The following TLR2 variants were observed in gnomAD, a reference collection of about 807,000 sequenced individuals.
TLR2 encodes toll-like receptor 2.
In TLR2, 7 loss-of-function variants were observed where a neutral mutation model predicts 9.1. The observed-to-expected ratio is 0.77, with a 90% CI of 0.44 to 1.44. The LOEUF is 1.44. Among genes scored for constraint, TLR2 ranks in the 40% most tolerant of loss-of-function variants. The pLI, the probability that TLR2 is intolerant of heterozygous loss-of-function variation, is 0.01. For missense variants in TLR2, 812 were observed against 904.6 expected (o/e 0.90, Z 1.31); for synonymous variants, 317 against 344.6 (o/e 0.92, Z 0.89).
intron 2 of TLR2, among the ~76,000 whole-genome samples, chr4:153,698,473 G>A (rs1736658940): frequency 2.0e-5 from 3 of 152,098 alleles, no homozygotes; most frequent in Admixed American, 1.3e-4. Context: ...GTTAAATGTG[G>A]CCTCATGGAT....
intron 2 of TLR2, chr4:153,701,789 T>C (rs1390408804): frequency 6.7e-6 from 1 of 148,190 alleles, no homozygotes; most frequent in Non-Finnish European, 1.5e-5. Context: ...AAAGAGGGAA[T>C]GCGAAGCAGT....
chr4:153,708,867 C>T (rs1579015862), downstream of TLR2, among the ~76,000 whole-genome samples: 1 of 152,314 alleles, frequency 6.6e-6, no homozygotes, highest in African/African-American at 2.4e-5. Flanking sequence ...CTAGAGACAT[C>T]TCACAGCTGT....
intron 2 of TLR2, among the ~76,000 whole-genome samples, chr4:153,696,871 A>G (rs1291564547): frequency 6.6e-6 from 1 of 152,176 alleles, no homozygotes; most frequent in Non-Finnish European, 1.5e-5. Flanking sequence ...TACAAAAAAA[A>G]AAAGGAATTC....
At chr4:153,702,808 T>C (rs1292906856) in intron 2 of TLR2, 84 bp from the exon 3 acceptor site, 8 of 727,846 alleles carry the variant, frequency 1.1e-5, no homozygotes, top group Non-Finnish European at 1.7e-5. Context: ...GTGTGTGTGT[T>C]ATGCCTAGAA....
downstream of TLR2, chr4:153,710,177 A>C (rs1408495760): frequency 2.1e-6 from 1 of 482,504 alleles, no homozygotes; most frequent in African/African-American, 1.9e-5. Flanking sequence ...AAAGATGAAA[A>C]AACATGCTTT....
rs768284622 is a variant in TLR2 at position 153,703,161 on chromosome 4, C to T, written c.254C>T (p.Ser85Phe). The T allele has an allele frequency of 1.2e-6, 2 of 1,614,048 alleles. No homozygotes were observed. The highest frequency in any genetic ancestry group is 2.7e-5 in the African/African-American group (2 of 74,910). ...CVNLQALVLT[S>F]NGINTIEEDS... ...AACCTCCAGGCTCTGGTGCTGACAT[C>T]CAATGGAATTAACACAATAGAGGAA... Residue 85 changes from serine to phenylalanine, a missense_variant, in exon 3 of 3, where the codon TCC (serine) becomes TTC (phenylalanine). Coordinates refer to ENST00000642700, the MANE Select transcript of TLR2 (RefSeq NM_001318789.2).
At chr4:153,690,602 A>G (rs920563973) in intron 2 of TLR2, among the ~76,000 whole-genome samples, 2 of 152,260 alleles carry the variant, frequency 1.3e-5, no homozygotes, top group Admixed American at 6.5e-5. Context: ...GGAACGTGTG[A>G]CATCCATTTG....
rs543051249 is a variant in TLR2, at chr4:153,704,701, G to C, written c.1794G>C (p.Leu598=). 3 of 1,613,818 alleles carry C rather than the reference G, an allele frequency of 1.9e-6. No individual in the cohort carries two copies. The highest frequency in any genetic ancestry group is 1.7e-5 in the Admixed American group (1 of 60,000). The change falls in exon 3 of 3, where the codon CTG becomes CTC. Residue 598 remains leucine (L), a synonymous_variant. Transcript: ENST00000642700. ...TGGTGTCTGGCATGTGCTGTGCTCT[G>C]TTCCTGCTGATCCTGCTCACGGGGG... ...TALVSGMCCA[L]FLLILLTGVL...
At chr4:153,698,470 G>C (rs1237509480) in intron 2 of TLR2, among the ~76,000 whole-genome samples, 1 of 152,130 alleles carries the variant, frequency 6.6e-6, no homozygotes, top group Non-Finnish European at 1.5e-5. Context: ...AGTGTTAAAT[G>C]TGGCCTCATG....
intron 2 of TLR2, among the ~76,000 whole-genome samples, chr4:153,699,175 G>C (rs1031689797): frequency 6.6e-6 from 1 of 152,106 alleles, no homozygotes; most frequent in Non-Finnish European, 1.5e-5. Flanking sequence ...GTGTCCCACA[G>C]GGAACTGTCT....
At chr4:153,692,102 C>T (rs577234039) in intron 2 of TLR2, among the ~76,000 whole-genome samples, 2 of 152,258 alleles carry the variant, frequency 1.3e-5, no homozygotes, top group South Asian at 4.1e-4. Context: ...AATACAAATG[C>T]TTTAGTATGC....
intron 1 of TLR2, among the ~76,000 whole-genome samples, chr4:153,686,784 C>T (rs1282940820): frequency 6.6e-6 from 1 of 152,068 alleles, no homozygotes; most frequent in African/African-American, 2.4e-5. Context: ...GAGATTTTAT[C>T]ATACATCTCT....
intron 2 of TLR2, among the ~76,000 whole-genome samples, chr4:153,693,399 T>C (rs1290125597): frequency 6.6e-6 from 1 of 152,222 alleles, no homozygotes; most frequent in Non-Finnish European, 1.5e-5. Context: ...CCTGTTGATC[T>C]ACGGGGTATA....
Position 153,702,762 on chromosome 4 carries a change from T to TTGTGTGTGTG in TLR2, c.-16-94_-16-85dup, listed in dbSNP as rs141605367. The TTGTGTGTGTG allele has an allele frequency of 4.9e-3, 2,052 of 416,864 alleles. 12 individuals carry two copies. The highest frequency in any genetic ancestry group is 6.4e-3 in the Middle Eastern group (10 of 1,554). 25.8% of individuals were successfully genotyped at this position (416,864 alleles called of 1,614,324 possible). A position where few individuals can be genotyped will look rare whatever the true frequency, so the allele number is the denominator to read the frequency against. On this transcript the variant is annotated intron_variant, in intron 2 of 2. Coordinates refer to ENST00000642700, the MANE Select transcript of TLR2 (RefSeq NM_001318789.2). ...CATCTGTTTCTCTCTCTCTCTCTCT[T>TTGTGTGTGTG]TGTGTGTGTGTGTGTGTGTGTGTGT...
In TLR2 at chr4:153,705,109, C is replaced by T; in HGVS notation, c.2202C>T (p.Leu734=). 2 of 1,614,164 alleles carry T rather than the reference C, an allele frequency of 1.2e-6. No individual in the cohort carries two copies. The highest frequency in any genetic ancestry group is 1.7e-6 in the Non-Finnish European group (2 of 1,180,034). Reference sequence around the variant, plus strand: ...ATGAGAACAATGATGCTGCCATTCTCATTCTTCTGGAGCCCATTGAGAAAA... The same window carrying T: ...ATGAGAACAATGATGCTGCCATTCTTATTCTTCTGGAGCCCATTGAGAAAA... ...LFDENNDAAI[L]ILLEPIEKKA... is the part of the protein sequence containing the mutation. Residue 734 remains leucine, a synonymous_variant, in exon 3 of 3, where the codon CTC becomes CTT. Coordinates refer to ENST00000642700, the MANE Select transcript of TLR2 (RefSeq NM_001318789.2).
At chr4:153,697,542 T>G (rs190918820) in intron 2 of TLR2, among the ~76,000 whole-genome samples, 2 of 152,316 alleles carry the variant, frequency 1.3e-5, no homozygotes, top group South Asian at 2.1e-4. Context: ...CATAGGGACC[T>G]GTGATCCTAT....
chr4:153,703,880 T>C lies in TLR2; in HGVS notation c.973T>C (p.Phe325Leu), dbSNP rs902111790. Reference protein sequence around the residue: ...RRLHIPRFYLFYDLSTLYSLT... With the variant: ...RRLHIPRFYLLYDLSTLYSLT... ...GCTGCATATTCCAAGGTTTTACTTA[T>C]TTTATGATCTGAGCACTTTATATTC... The change falls in exon 3 of 3, where the codon TTT (phenylalanine) becomes CTT (leucine). Residue 325 changes from phenylalanine (F) to leucine (L), a missense_variant. By Grantham distance (22) the Phe-to-Leu change is conservative. Transcript: ENST00000642700. 7 of 1,613,976 alleles carry C rather than the reference T, an allele frequency of 4.3e-6. No homozygotes were observed. Among genetic ancestry groups the C allele is most frequent in the Non-Finnish European group, 5.9e-6 (7 of 1,180,004 alleles).
At chr4:153,702,778 G>A in intron 2 of TLR2, 114 bp from the exon 3 acceptor site, 2 of 511,812 alleles carry the variant, frequency 3.9e-6, no homozygotes, top group Non-Finnish European at 6.6e-6. Context: ...GTGTGTGTGT[G>A]TGTGTGTGTG....
In TLR2 at chr4:153,703,267, C is replaced by T; in HGVS notation, c.360C>T (p.Phe120=). The T allele has an allele frequency of 6.2e-7, 1 of 1,613,312 alleles. No homozygotes were observed. The highest frequency in any genetic ancestry group is 8.5e-7 in the Non-Finnish European group (1 of 1,179,838). Residue 120 remains phenylalanine (F), a synonymous_variant, in exon 3 of 3, where the codon TTC becomes TTT. Transcript: ENST00000642700. ...NYLSNLSSSW[F]KPLSSLTFLN... ...TATCTAATTTATCGTCTTCCTGGTT[C>T]AAGCCCCTTTCTTCTTTAACATTCT...
Sources: gnomAD v4.1 joint callset for allele counts (sites outside exome capture counted in the v4.1 genomes callset) on GRCh38, gnomAD v4.1.1 for gene constraint, MANE v1.5 for transcripts, NCBI Gene and HGNC (gene_info 2026-07-23, HGNC 2026-07-21) for gene names.